Variants in LRRC56 observed in about 807,000 individuals in gnomAD.
LRRC56 encodes leucine-rich repeat-containing protein 56.
LRRC56 carries 41 observed loss-of-function variants against 47.8 expected under a neutral mutation model. The observed-to-expected ratio is 0.86, with a 90% confidence interval of 0.67 to 1.11. LRRC56 has a LOEUF of 1.11. Ranked by LOEUF, LRRC56 falls within the 50% of genes most tolerant of loss-of-function variation. LRRC56 has a pLI of 0.00. For synonymous variants in LRRC56, 387 were observed against 311.2 expected (o/e 1.24, Z -2.56); for missense variants, 759 against 704.2 (o/e 1.08, Z -0.88).
intron 13 of LRRC56, among the ~76,000 whole-genome samples, chr11:553,203 C>T (rs537705939): frequency 1.3e-5 from 2 of 152,336 alleles, no homozygotes; most frequent in Non-Finnish European, 2.9e-5. Context: ...CATGCAGTGC[C>T]CTTTACGAAG....
At chr11:530,803 A>G in the LRRC56 span, among the ~76,000 whole-genome samples, 1 of 43,558 alleles carries the variant, frequency 2.3e-5, no homozygotes, top group South Asian at 1.6e-3. Context: ...TCCCCTGGAG[A>G]GAAGGGCGAG....
the LRRC56 span, among the ~76,000 whole-genome samples, chr11:515,341 C>G: frequency 1.3e-5 from 2 of 152,294 alleles, no homozygotes; most frequent in East Asian, 3.9e-4. Flanking sequence ...TTTGCTAATG[C>G]CTCTGCCAGC....
chr11:552,083 TC>T lies in LRRC56; in HGVS notation c.1039-3del. ...GAATCCCTAAAGCAGTCCCTTTTCCTCCCCAGGCCAGGGAGCCCCCCGAGCA... is the reference window on the plus strand; with the variant it reads ...GAATCCCTAAAGCAGTCCCTTTTCCTCCCAGGCCAGGGAGCCCCCCGAGCA... On this transcript the variant is annotated splice_region_variant and splice_polypyrimidine_tract_variant and intron_variant, in intron 11 of 13. Coordinates refer to ENST00000270115, the MANE Select transcript of LRRC56 (RefSeq NM_198075.4). The T allele has an allele frequency of 6.2e-7, 1 of 1,607,914 alleles. No homozygotes were observed. The highest frequency in any genetic ancestry group is 8.5e-7 in the Non-Finnish European group (1 of 1,176,530).
In LRRC56 at chr11:538,797, G is replaced by GC. The variant is rs1202926489; in HGVS notation, c.-220dup. The GC allele has an allele frequency of 9.1e-6, 1 of 110,220 alleles. No homozygotes were observed. The highest frequency in any genetic ancestry group is 1.8e-5 in the Non-Finnish European group (1 of 55,626). The allele number at this position is 110,220 out of a possible 1,614,324, so 6.8% of individuals were successfully genotyped here. ...CTGTGGACAGCAGAGGAGCACGCAG[G>GC]CCACGTGCAGGCCACGTGCAGCCCA... is the stretch of plus-strand genomic sequence containing the variant. On this transcript the variant is annotated 5_prime_UTR_variant, in exon 2 of 14. An upstream open reading frame in the 5' UTR gains an earlier in-frame stop. Transcript: ENST00000270115.
At chr11:510,340 G>A in the LRRC56 span, among the ~76,000 whole-genome samples, 1 of 151,906 alleles carries the variant, frequency 6.6e-6, no homozygotes, top group African/African-American at 2.4e-5. Context: ...GGTGGCTCAC[G>A]CCTGTAATCC....
At chr11:533,597 C>T (rs1254507057), upstream of LRRC56, 1 of 1,613,848 alleles carries the variant, frequency 6.2e-7, no homozygotes, top group Non-Finnish European at 8.5e-7. Flanking sequence ...AGTCCTTCAC[C>T]CGTTTGATCT....
the LRRC56 span, among the ~76,000 whole-genome samples, chr11:509,714 A>ATT: frequency 4.2e-4 from 53 of 125,182 alleles, no homozygotes; most frequent in African/African-American, 8.2e-4. Flanking sequence ...CGCCCGGCTA[A>ATT]TTTTTTTTTT....
At chr11:545,532 A>C (rs1206944934) in intron 6 of LRRC56, among the ~76,000 whole-genome samples, 1 of 150,200 alleles carries the variant, frequency 6.7e-6, no homozygotes, top group Admixed American at 6.6e-5. Flanking sequence ...GGAGAGGCAC[A>C]GCAGAGCCTG....
At chr11:549,280 G>A (rs540034830) in intron 6 of LRRC56, among the ~76,000 whole-genome samples, 14 of 152,324 alleles carry the variant, frequency 9.2e-5, no homozygotes, top group African/African-American at 3.1e-4. Flanking sequence ...GCGTAGCAGC[G>A]CTGAAGGGAC....
At chr11:511,724 C>T in the LRRC56 span, among the ~76,000 whole-genome samples, 2 of 152,234 alleles carry the variant, frequency 1.3e-5, no homozygotes, top group African/African-American at 2.4e-5. Flanking sequence ...CAAGATGCCT[C>T]AGGGCCCAGG....
chr11:553,896 C>A, intron 13 of LRRC56, 67 bp from the exon 14 acceptor site: 1 of 1,479,158 alleles, frequency 6.8e-7, no homozygotes, highest in Non-Finnish European at 9.3e-7. Context: ...GGGCTGTGGC[C>A]TCCCCACCGG....
At chr11:542,592 A>C (rs1355521912) in intron 5 of LRRC56, among the ~76,000 whole-genome samples, 8 of 149,366 alleles carry the variant, frequency 5.4e-5, no homozygotes, top group African/African-American at 1.5e-4. Flanking sequence ...AAAAAAAAAA[A>C]AAAAAAAAAA....
At position 551,266 on chromosome 11, in the gene LRRC56, G is replaced by T. The variant is rs372959912; in HGVS notation, c.760G>T (p.Glu254Ter). Residue 254 changes from glutamate to a stop codon, truncating the protein, a stop_gained, in exon 9 of 14, where the codon GAG becomes TAG. Transcript: ENST00000270115. LOFTEE classifies it high-confidence loss of function. Reference protein sequence around the residue: ...RLSQDWLAVKEAIKKGNGLPP... With the variant: ...RLSQDWLAVK ...GAGCCAGGACTGGCTTGCGGTGAAG[G>T]AGGCCATCAAGAAGGGCAACGGCCT... 215 of 1,538,612 alleles carry T rather than the reference G, an allele frequency of 1.4e-4. No homozygotes were observed. The highest frequency in any genetic ancestry group is 1.8e-4 in the Non-Finnish European group (210 of 1,138,408).
At chr11:507,645 C>T in the LRRC56 span, among the ~76,000 whole-genome samples, 1 of 152,234 alleles carries the variant, frequency 6.6e-6, no homozygotes, top group Non-Finnish European at 1.5e-5. Flanking sequence ...GGGCGCGGCC[C>T]CCGGAGAAAG....
upstream of LRRC56, among the ~76,000 whole-genome samples, chr11:535,010 G>A (rs1482200116): frequency 6.6e-6 from 1 of 152,210 alleles, no homozygotes; most frequent in Non-Finnish European, 1.5e-5. Context: ...AGAGGGAAAA[G>A]GCACTGGGGC....
At chr11:532,662 T>G (rs730880465), upstream of LRRC56, 1 of 1,612,736 alleles carries the variant, frequency 6.2e-7, no homozygotes. Context: ...TTGCAGCTCA[T>G]GCAGCCGGGG....
At chr11:534,143 C>T, upstream of LRRC56, 1 of 1,329,836 alleles carries the variant, frequency 7.5e-7, no homozygotes, top group South Asian at 1.2e-5. Flanking sequence ...TGCAGCCAGC[C>T]CTATCCTGGC....
the LRRC56 span, among the ~76,000 whole-genome samples, chr11:507,899 G>T: frequency 2.0e-5 from 3 of 152,254 alleles, no homozygotes; most frequent in Admixed American, 6.5e-5. Flanking sequence ...TTCTGAGCGC[G>T]GTCCGAGCTG....
intron 6 of LRRC56, among the ~76,000 whole-genome samples, chr11:549,177 C>T (rs1345901913): frequency 1.3e-5 from 2 of 152,188 alleles, no homozygotes; most frequent in African/African-American, 2.4e-5. Flanking sequence ...AGAAGATTTC[C>T]GAAGAAATCA....
Sources: gnomAD v4.1 joint callset for allele counts (sites outside exome capture counted in the v4.1 genomes callset) on GRCh38, gnomAD v4.1.1 for gene constraint, MANE v1.5 for transcripts, NCBI Gene and HGNC (gene_info 2026-07-23, HGNC 2026-07-21) for gene names.